NIPSNAP3B: variants seen among roughly 807,000 people sequenced by gnomAD.
NIPSNAP3B encodes protein NipSnap homolog 3B.
Under a neutral mutation model 31.5 loss-of-function variants are expected in NIPSNAP3B, and 30 were observed. That is an observed-to-expected ratio of 0.95 (90% CI 0.71 to 1.29). The LOEUF is 1.29. NIPSNAP3B is among the 50% of genes most tolerant of loss of function. The probability of loss-of-function intolerance (pLI) is 0.00; values close to 1 mark genes in which losing one functional copy is unlikely to be tolerated. For missense variants in NIPSNAP3B, 269 were observed against 300.7 expected, an observed-to-expected ratio of 0.89 and a Z score of 0.78; for synonymous variants, 106 against 107.9, an observed-to-expected ratio of 0.98 and a Z score of 0.11.
At chr9:104,780,674 G>C (rs557908818), downstream of NIPSNAP3B, among the ~76,000 whole-genome samples, 1 of 152,256 alleles carries the variant, frequency 6.6e-6, no homozygotes, top group African/African-American at 2.4e-5. Context: ...TGCCTTTGTA[G>C]CTTCCCCTAT....
At chr9:104,779,623 T>TTTG (rs1564062853), downstream of NIPSNAP3B, among the ~76,000 whole-genome samples, 2 of 145,358 alleles carry the variant, frequency 1.4e-5, no homozygotes, top group African/African-American at 5.3e-5. Flanking sequence ...CTAAGTGGGT[T>TTTG]TTTTTTTTTT....
the NIPSNAP3B span, among the ~76,000 whole-genome samples, chr9:104,786,057 G>C: frequency 6.6e-6 from 1 of 152,198 alleles, no homozygotes; most frequent in Non-Finnish European, 1.5e-5. Flanking sequence ...CTAGGAGGTA[G>C]ATCTTCCAGG....
At chr9:104,785,754 G>T in the NIPSNAP3B span, 8 of 1,273,346 alleles carry the variant, frequency 6.3e-6, no homozygotes, top group African/African-American at 1.5e-5. Context: ...GGCAGGCCCA[G>T]AAATAAGTTT....
intron 2 of NIPSNAP3B, 113 bp downstream of exon 2, chr9:104,766,648 C>G (rs1588166325): frequency 9.4e-7 from 1 of 1,066,958 alleles, no homozygotes; most frequent in Non-Finnish European, 1.4e-6. Context: ...TTAAGTAAGA[C>G]TTTTTAAAAG....
downstream of NIPSNAP3B, chr9:104,781,479 T>C (rs2118822297): frequency 6.5e-6 from 1 of 152,706 alleles, no homozygotes; most frequent in Middle Eastern, 3.4e-3. Flanking sequence ...ACATGGCTCT[T>C]TGGAAAATAT....
chr9:104,773,126 A>C lies in NIPSNAP3B; in HGVS notation c.*53A>C. The C allele has an allele frequency of 6.5e-7, 1 of 1,546,278 alleles. No individual in the cohort carries two copies. Among genetic ancestry groups the C allele is most frequent in the Non-Finnish European group, 8.9e-7 (1 of 1,122,364 alleles). On this transcript the variant is annotated 3_prime_UTR_variant, in exon 6 of 6. Coordinates refer to ENST00000374762, the MANE Select transcript of NIPSNAP3B (RefSeq NM_018376.4). Reference sequence around the variant, plus strand: ...TTAACTGCTCTAAGATGTGTCTGCTAATGGTGCTTAAATTCTCCCAAGAGG... The same window carrying C: ...TTAACTGCTCTAAGATGTGTCTGCTCATGGTGCTTAAATTCTCCCAAGAGG...
chr9:104,786,771 T>G, the NIPSNAP3B span: 1 of 1,102,030 alleles, frequency 9.1e-7, no homozygotes, highest in Non-Finnish European at 1.4e-6. Flanking sequence ...ATTGTTTTAC[T>G]CTTTGCTTTT....
At chr9:104,780,606 T>A (rs143694603), downstream of NIPSNAP3B, among the ~76,000 whole-genome samples, 38 of 152,310 alleles carry the variant, frequency 2.5e-4, no homozygotes, top group East Asian at 4.8e-3. Flanking sequence ...CTTCCCAGTA[T>A]AACTGCTACA....
At chr9:104,769,549 A>C (rs1828166457) in intron 3 of NIPSNAP3B, among the ~76,000 whole-genome samples, 1 of 152,164 alleles carries the variant, frequency 6.6e-6, no homozygotes, top group South Asian at 2.1e-4. Flanking sequence ...TCCTTAAAAC[A>C]AAAAATGAAG....
At position 104,768,753 on chromosome 9, in the gene NIPSNAP3B, C is replaced by G. The variant is rs894107762; in HGVS notation, c.272-110C>G. 3 of 827,886 alleles carry G rather than the reference C, an allele frequency of 3.6e-6. No individual in the cohort carries two copies. In the African/African-American group the frequency reaches 5.2e-5, roughly 14 times the overall value. 51.3% of individuals were successfully genotyped at this position (827,886 alleles called of 1,614,324 possible). A position where few individuals can be genotyped will look rare whatever the true frequency, so the allele number is the denominator to read the frequency against. ...GTTGGCATCTCCAGCGACATAATAA[C>G]ATGGGGTTCCCATATGGCCTTGCAC... On this transcript the variant is annotated intron_variant, in intron 2 of 5. Transcript: ENST00000374762.
At chr9:104,788,633 C>A in the NIPSNAP3B span, 1 of 1,566,338 alleles carries the variant, frequency 6.4e-7, no homozygotes, top group East Asian at 2.2e-5. Flanking sequence ...GACAATCTGG[C>A]CTAATGTTCC....
At chr9:104,771,075 G>T in intron 4 of NIPSNAP3B, 77 bp downstream of exon 4, 1 of 1,335,664 alleles carries the variant, frequency 7.5e-7, no homozygotes, top group South Asian at 1.7e-5. Context: ...TTTGGTACCT[G>T]TTTTAATTTT....
intron 3 of NIPSNAP3B, among the ~76,000 whole-genome samples, chr9:104,769,978 T>G (rs888578463): frequency 6.6e-6 from 1 of 152,216 alleles, no homozygotes; most frequent in Non-Finnish European, 1.5e-5. Flanking sequence ...CATAAACTAA[T>G]TTAAATTTCA....
the NIPSNAP3B span, chr9:104,784,270 T>A: frequency 6.2e-7 from 1 of 1,612,884 alleles, no homozygotes; most frequent in South Asian, 1.1e-5. Context: ...CAAAGGAAAG[T>A]CTAGTTCCTC....
At position 104,774,085 on chromosome 9, in the gene NIPSNAP3B, T is replaced by A. The variant is rs1388960016; in HGVS notation, c.*1012T>A. 2 of 152,224 alleles carry A rather than the reference T, an allele frequency of 1.3e-5. No homozygotes were observed. The highest frequency in any genetic ancestry group is 2.9e-5 in the Non-Finnish European group (2 of 68,044). 9.4% of individuals were successfully genotyped at this position (152,224 alleles called of 1,614,324 possible). A position where few individuals can be genotyped will look rare whatever the true frequency, so the allele number is the denominator to read the frequency against. On this transcript the variant is annotated 3_prime_UTR_variant, in exon 6 of 6. Transcript: ENST00000374762. Reference sequence around the variant, plus strand: ...GATGCCTCTACCTACTAAAACTAGATTTGGTACTTCCGATAGTGTATATTT... The same window carrying A: ...GATGCCTCTACCTACTAAAACTAGAATTGGTACTTCCGATAGTGTATATTT...
At chr9:104,770,088 C>T (rs73517826) in intron 3 of NIPSNAP3B, among the ~76,000 whole-genome samples, 8,991 of 152,220 alleles carry the variant, frequency 0.059, 775 homozygotes, top group African/African-American at 0.19. Context: ...CTCCCCTTAA[C>T]TTTCAGCACT....
the NIPSNAP3B span, chr9:104,786,897 C>T: frequency 6.2e-7 from 1 of 1,614,036 alleles, no homozygotes; most frequent in Non-Finnish European, 8.5e-7. Flanking sequence ...CACTACTGAT[C>T]TCCCCTCCTT....
Position 104,773,062 on chromosome 9 carries a change from C to G in NIPSNAP3B, c.733C>G (p.Pro245Ala). The change falls in exon 6 of 6, where the codon CCA becomes GCA. Residue 245 changes from proline (P) to alanine (A), a missense_variant. By Grantham distance (27) the Pro-to-Ala change is conservative. Transcript: ENST00000374762. ...NMLLIPASFS[P>A]LK is the part of the protein sequence containing the mutation. ...GCTTCTGATTCCTGCATCATTTTCA[C>G]CATTGAAATAGTTTTCTACTGAAAT... is the stretch of plus-strand genomic sequence containing the variant. 6.2e-7 allele frequency: 1 copy of G among 1,613,830 alleles called. No individual in the cohort carries two copies. Among genetic ancestry groups the G allele is most frequent in the Non-Finnish European group, 8.5e-7 (1 of 1,179,758 alleles).
Position 104,773,122 on chromosome 9 carries a change from T to C in NIPSNAP3B, c.*49T>C. The C allele has an allele frequency of 6.5e-7, 1 of 1,547,538 alleles. No individual in the cohort carries two copies. Among genetic ancestry groups the C allele is most frequent in the South Asian group, 1.1e-5 (1 of 89,024 alleles). On this transcript the variant is annotated 3_prime_UTR_variant, in exon 6 of 6. Coordinates refer to ENST00000374762, the MANE Select transcript of NIPSNAP3B (RefSeq NM_018376.4). ...TTCATTAACTGCTCTAAGATGTGTC[T>C]GCTAATGGTGCTTAAATTCTCCCAA...
Sources: allele counts gnomAD v4.1 joint callset (sites outside exome capture counted in the v4.1 genomes callset), GRCh38; gene constraint gnomAD v4.1.1; transcripts MANE v1.5; gene names NCBI Gene and HGNC (gene_info 2026-07-23, HGNC 2026-07-21).